The following GALNT10 variants were observed in gnomAD, a reference collection of about 807,000 sequenced individuals.
GALNT10 encodes the protein polypeptide N-acetylgalactosaminyltransferase 10.
In GALNT10, 41 loss-of-function variants were observed where a neutral mutation model predicts 75.0. The observed-to-expected ratio is 0.55, with a 90% CI of 0.43 to 0.71. GALNT10 has a LOEUF of 0.71. Among genes scored for constraint, GALNT10 ranks in the 30% least tolerant of loss-of-function variants. The probability of loss-of-function intolerance (pLI) is 0.00; values close to 1 mark genes in which losing one functional copy is unlikely to be tolerated. For synonymous variants in GALNT10, 302 were observed against 313.0 expected (o/e 0.96, Z 0.37); for missense variants, 727 against 818.5 (o/e 0.89, Z 1.36).
At position 154,352,547 on chromosome 5, in the gene GALNT10, G is replaced by A. The variant is rs1002244067; in HGVS notation, c.568+22809G>A. ...GAGGTTAAGTAATTGGCCCAAGATCGCACAGCTAGTAAACGGAAGCTGGGA... is the reference window on the plus strand; with the variant it reads ...GAGGTTAAGTAATTGGCCCAAGATCACACAGCTAGTAAACGGAAGCTGGGA... On this transcript the variant is annotated intron_variant, in intron 4 of 11. Coordinates refer to ENST00000297107, the MANE Select transcript of GALNT10 (RefSeq NM_198321.4). This position sits in a 1 kb window ranked among gnomAD's most constrained non-coding sequence, Gnocchi z 4.4. Among the ~76,000 whole-genome samples, 2 of 152,166 alleles carry A rather than the reference G, an allele frequency of 1.3e-5. No individual in the cohort carries two copies. Among genetic ancestry groups the A allele is most frequent in the South Asian group, 2.1e-4 (1 of 4,832 alleles).
chr5:154,265,703 C>T (rs2113028686), intron 1 of GALNT10, among the ~76,000 whole-genome samples: 1 of 152,294 alleles, frequency 6.6e-6, no homozygotes, highest in South Asian at 2.1e-4. Flanking sequence ...TAGTGCATCT[C>T]TCTTCAAAGA....
rs534440257 is a variant in GALNT10, at chr5:154,202,326, A to G, written c.159+11301A>G. ...GTGGCTCCTGGTGTGGCAGTGGGGC[A>G]TGGAGTGTGGGGCACAGCTCGGTGT... On this transcript the variant is annotated intron_variant, in intron 1 of 11. Transcript: ENST00000297107. 6.6e-5 allele frequency among the ~76,000 whole-genome samples: 10 copies of G among 152,320 alleles called. 1 individual carries two copies. The highest frequency in any genetic ancestry group is 3.9e-4 in the Admixed American group (6 of 15,308).
chr5:154,401,354 G>A (rs1207153042), intron 7 of GALNT10, among the ~76,000 whole-genome samples: 2 of 152,204 alleles, frequency 1.3e-5, no homozygotes, highest in Non-Finnish European at 2.9e-5. Flanking sequence ...AGGGTAAGGT[G>A]TCCCACCTGC....
chr5:154,417,259 C>T lies in GALNT10; in HGVS notation c.*287C>T. The T allele has an allele frequency of 2.7e-6, 1 of 366,858 alleles. No individual in the cohort carries two copies. The allele number at this position is 366,858 out of a possible 1,614,324, so 22.7% of individuals were successfully genotyped here. A position where few individuals can be genotyped will look rare whatever the true frequency, so the allele number is the denominator to read the frequency against. ...AGCAACAGAGCCTTTTCAACTTTGTCACTATGTCCCCTTGAACATTATGTG... is the reference window on the plus strand; with the variant it reads ...AGCAACAGAGCCTTTTCAACTTTGTTACTATGTCCCCTTGAACATTATGTG... On this transcript the variant is annotated 3_prime_UTR_variant, in exon 12 of 12. Coordinates refer to ENST00000297107, the MANE Select transcript of GALNT10 (RefSeq NM_198321.4).
At chr5:154,360,772 A>G (rs1390264587) in intron 4 of GALNT10, among the ~76,000 whole-genome samples, 1 of 152,206 alleles carries the variant, frequency 6.6e-6, no homozygotes, top group African/African-American at 2.4e-5. Flanking sequence ...CAAGGAGAAT[A>G]TGTTTATGTA....
At chr5:154,262,782 GATCCTATC>G (rs1753718383) in intron 1 of GALNT10, among the ~76,000 whole-genome samples, 2 of 152,142 alleles carry the variant, frequency 1.3e-5, no homozygotes, top group Non-Finnish European at 2.9e-5. Context: ...GGTGCTTTAG[GATCCTATC>G]AGAATCAGGA....
At chr5:154,336,143 T>C (rs1336530846) in intron 4 of GALNT10, among the ~76,000 whole-genome samples, 1 of 152,232 alleles carries the variant, frequency 6.6e-6, no homozygotes, top group Non-Finnish European at 1.5e-5. Flanking sequence ...GATTCCTCCA[T>C]GTCTTTTTAT....
Position 154,399,306 on chromosome 5 carries a change from C to A in GALNT10, c.1057-4798C>A, listed in dbSNP as rs140925493. Among the ~76,000 whole-genome samples, 12 of 152,306 alleles carry A rather than the reference C, an allele frequency of 7.9e-5. 1 individual carries two copies. The East Asian group carries it at 9.6e-4, about 12-fold the overall frequency. ...GGCCTGGGATCTGTGGCCAGCACCA[C>A]CCCCCTAGCCCGTCCTTGGAAGGAG... is the stretch of plus-strand genomic sequence containing the variant. On this transcript the variant is annotated intron_variant, in intron 7 of 11. Transcript: ENST00000297107.
At position 154,418,896 on chromosome 5, in the gene GALNT10, T is replaced by G. The variant is rs1170479528; in HGVS notation, c.*1924T>G. The G allele has an allele frequency of 6.6e-6, 1 of 152,562 alleles. No individual in the cohort carries two copies. Among genetic ancestry groups the G allele is most frequent in the Non-Finnish European group, 1.5e-5 (1 of 68,030 alleles). The allele number at this position is 152,562 out of a possible 1,614,324, so 9.5% of individuals were successfully genotyped here. On this transcript the variant is annotated 3_prime_UTR_variant, in exon 12 of 12. Transcript: ENST00000297107. ...TCAAAAGATGAGGCCCCTTCTAGAA[T>G]CTAGGATAACAAGAGTGTTGACAGT...
intron 1 of GALNT10, among the ~76,000 whole-genome samples, chr5:154,268,084 A>G (rs1271863999): frequency 6.6e-6 from 1 of 152,222 alleles, no homozygotes; most frequent in Non-Finnish European, 1.5e-5. Flanking sequence ...TGCTTATAAC[A>G]TAGTGACTTT....
At chr5:154,260,007 AG>A (rs1443908339) in intron 1 of GALNT10, among the ~76,000 whole-genome samples, 1 of 152,126 alleles carries the variant, frequency 6.6e-6, no homozygotes, top group Non-Finnish European at 1.5e-5. Flanking sequence ...TCTAGACCCA[AG>A]GAAGAAATAT....
At chr5:154,297,130 A>G (rs1754287762) in intron 2 of GALNT10, among the ~76,000 whole-genome samples, 1 of 152,084 alleles carries the variant, frequency 6.6e-6, no homozygotes, top group African/African-American at 2.4e-5. Flanking sequence ...CGATGTGGAC[A>G]TTCCCACTTA....
intron 4 of GALNT10, among the ~76,000 whole-genome samples, chr5:154,356,845 G>A (rs1044860650): frequency 6.6e-6 from 1 of 152,208 alleles, no homozygotes; most frequent in African/African-American, 2.4e-5. Context: ...TGAGGGACCC[G>A]TTATCATGCC....
In GALNT10 at chr5:154,420,137, CTT is replaced by C. The variant is rs1561690512; in HGVS notation, c.*3166_*3167del. The stretch of plus-strand genomic sequence containing the variant: ...TTAAAACAGTCAGAAACTATTGATT[CTT>C]CCCTTTAGGAAAAAATGCTCAGGCA... On this transcript the variant is annotated 3_prime_UTR_variant, in exon 12 of 12. Transcript: ENST00000297107. 6.6e-6 allele frequency: 1 copy of C among 152,182 alleles called. No homozygotes were observed. The allele number at this position is 152,182 out of a possible 1,614,324, so 9.4% of individuals were successfully genotyped here.
intron 1 of GALNT10, among the ~76,000 whole-genome samples, chr5:154,201,652 C>T (rs1021978164): frequency 1.3e-5 from 2 of 152,030 alleles, no homozygotes; most frequent in African/African-American, 4.8e-5. Flanking sequence ...AGGTACAGGC[C>T]AGGCGTGGTG....
At chr5:154,348,342 A>G (rs1192712582) in intron 4 of GALNT10, among the ~76,000 whole-genome samples, 3 of 152,224 alleles carry the variant, frequency 2.0e-5, no homozygotes, top group Non-Finnish European at 4.4e-5. Context: ...CAATTAGAGA[A>G]GGCCCTTTCA....
At chr5:154,329,903 C>T in intron 4 of GALNT10, 165 bp downstream of exon 4, 2 of 358,090 alleles carry the variant, frequency 5.6e-6, no homozygotes, top group Non-Finnish European at 1.0e-5. Context: ...ATCTTCACAA[C>T]TCATGAAGTG....
At chr5:154,365,578 C>T (rs1358117319) in intron 4 of GALNT10, among the ~76,000 whole-genome samples, 1 of 152,114 alleles carries the variant, frequency 6.6e-6, no homozygotes, top group Admixed American at 6.5e-5. Flanking sequence ...TGCACCAAAC[C>T]ATCATCAAGG....
At chr5:154,373,491 A>T (rs1040346259) in intron 4 of GALNT10, among the ~76,000 whole-genome samples, 2 of 152,136 alleles carry the variant, frequency 1.3e-5, no homozygotes, top group Non-Finnish European at 2.9e-5. Context: ...AGCTCGTATC[A>T]TCCACTCTGA....
Sources: gnomAD v4.1 joint callset for allele counts (sites outside exome capture counted in the v4.1 genomes callset) on GRCh38, gnomAD v4.1.1 for gene constraint, Gnocchi (gnomAD v3.1) non-coding constraint, MANE v1.5 for transcripts, NCBI Gene and HGNC (gene_info 2026-07-23, HGNC 2026-07-21) for gene names.